OSBPL10: variants seen among roughly 807,000 people sequenced by gnomAD.
OSBPL10 encodes the protein oxysterol binding protein like 10.
In OSBPL10, 49 loss-of-function variants were observed where a neutral mutation model predicts 81.7. The ratio of observed to expected loss-of-function variants is 0.60; its 90% CI spans 0.48 to 0.76. The LOEUF (loss-of-function observed/expected upper bound fraction) is 0.76, where lower values mean the gene tolerates loss of function less well. OSBPL10 is among the 30% of genes least tolerant of loss of function. The pLI is 0.00. For missense variants in OSBPL10, 923 were observed against 987.8 expected, an observed-to-expected ratio of 0.93 and a Z score of 0.88; for synonymous variants, 419 against 383.6, an observed-to-expected ratio of 1.09 and a Z score of -1.08.
At chr3:31,740,157 C>T (rs1697297265) in intron 5 of OSBPL10, among the ~76,000 whole-genome samples, 1 of 151,716 alleles carries the variant, frequency 6.6e-6, no homozygotes, top group African/African-American at 2.4e-5. Flanking sequence ...GATTCTCCTG[C>T]CTCAGCCTCC....
intron 6 of OSBPL10, among the ~76,000 whole-genome samples, chr3:31,717,630 G>A (rs1696486201): frequency 6.6e-6 from 1 of 152,084 alleles, no homozygotes; most frequent in South Asian, 2.1e-4. Flanking sequence ...CCAAACAGCA[G>A]GCATTTTCTA....
intron 4 of OSBPL10, among the ~76,000 whole-genome samples, chr3:31,809,123 A>G (rs1699599631): frequency 6.6e-6 from 1 of 152,226 alleles, no homozygotes; most frequent in South Asian, 2.1e-4. Flanking sequence ...TTATTAAGAG[A>G]AATTTGATAA....
In OSBPL10 at chr3:31,948,215, G is replaced by A. The variant is rs79883182; in HGVS notation, c.281+32684C>T. On this transcript the variant is annotated intron_variant, in intron 1 of 11. Transcript: ENST00000396556. ...GCAGGGCACCAGCAACATCCACAAT[G>A]GACAGAGTCCATTCTAGAAGTCCAG... Among the ~76,000 whole-genome samples, 24 of 152,302 alleles carry A rather than the reference G, an allele frequency of 1.6e-4. No homozygotes were observed. The East Asian group carries it at 4.3e-3, about 27-fold the overall frequency.
At chr3:31,713,737 C>T (rs1255347926) in intron 6 of OSBPL10, 1 of 152,724 alleles carries the variant, frequency 6.5e-6, no homozygotes, top group African/African-American at 2.4e-5. Flanking sequence ...ACCACAGCAA[C>T]CTTTGACCGT....
intron 4 of OSBPL10, among the ~76,000 whole-genome samples, chr3:31,763,450 C>T (rs1698116728): frequency 6.6e-6 from 1 of 152,158 alleles, no homozygotes; most frequent in Non-Finnish European, 1.5e-5. Flanking sequence ...ACACACATAT[C>T]TCAAAGAACC....
At chr3:31,967,009 A>AT (rs921219017) in intron 1 of OSBPL10, among the ~76,000 whole-genome samples, 358 of 146,934 alleles carry the variant, frequency 2.4e-3, no homozygotes, top group Middle Eastern at 7.2e-3. Context: ...CTCTGAGGGG[A>AT]TTTTTTTTTT....
chr3:31,759,596 A>C (rs1559452441), intron 4 of OSBPL10, among the ~76,000 whole-genome samples: 1 of 152,170 alleles, frequency 6.6e-6, no homozygotes, highest in Non-Finnish European at 1.5e-5. Context: ...ACCCTTAAAC[A>C]ACTTGAGGGC....
At chr3:31,720,685 G>A (rs946786560) in intron 6 of OSBPL10, among the ~76,000 whole-genome samples, 6 of 151,942 alleles carry the variant, frequency 3.9e-5, no homozygotes, top group Non-Finnish European at 8.8e-5. Flanking sequence ...GACTGTCTGA[G>A]CTCAGGAGTT....
At chr3:31,856,060 T>C (rs1038733893) in intron 3 of OSBPL10, among the ~76,000 whole-genome samples, 4 of 140,672 alleles carry the variant, frequency 2.8e-5, no homozygotes, top group African/African-American at 1.1e-4. Context: ...TATACATTTA[T>C]GTTTATATTA....
At chr3:31,770,315 T>A (rs905925930) in intron 4 of OSBPL10, among the ~76,000 whole-genome samples, 9 of 152,138 alleles carry the variant, frequency 5.9e-5, no homozygotes, top group Admixed American at 2.6e-4. Context: ...TCATTCCCCA[T>A]CAACAATTTC....
intron 5 of OSBPL10, among the ~76,000 whole-genome samples, chr3:31,745,742 C>T (rs984800679): frequency 1.3e-5 from 2 of 152,172 alleles, no homozygotes; most frequent in Non-Finnish European, 2.9e-5. Context: ...TGGGCATAAT[C>T]ATACCTACTT....
At chr3:31,771,742 G>T (rs1248621884) in intron 4 of OSBPL10, among the ~76,000 whole-genome samples, 1 of 152,186 alleles carries the variant, frequency 6.6e-6, no homozygotes, top group East Asian at 1.9e-4. Context: ...ACACTTACAT[G>T]TCGACATATA....
chr3:31,726,310 ATTT>A (rs11338208), intron 6 of OSBPL10, among the ~76,000 whole-genome samples: 2 of 148,204 alleles, frequency 1.3e-5, no homozygotes, highest in South Asian at 4.3e-4. Flanking sequence ...TGTCTTTTTA[ATTT>A]TTTTTTTTTA....
chr3:32,066,025 G>GAAAGAA (rs1458321683), intron 1 of OSBPL10, among the ~76,000 whole-genome samples: 4 of 62,640 alleles, frequency 6.4e-5, no homozygotes, highest in African/African-American at 1.1e-4. Context: ...AAGAAAGAAA[G>GAAAGAA]AGAGAGAGAG....
At chr3:31,899,193 C>T (rs1475551489) in intron 1 of OSBPL10, among the ~76,000 whole-genome samples, 1 of 152,070 alleles carries the variant, frequency 6.6e-6, no homozygotes. Context: ...CCGCCCATCT[C>T]GGCCTCCCAA....
intron 1 of OSBPL10, among the ~76,000 whole-genome samples, chr3:32,052,591 G>C (rs1342186037): frequency 6.6e-6 from 1 of 152,160 alleles, no homozygotes. Context: ...AAAAAAATGT[G>C]CTACATATAT....
intron 5 of OSBPL10, among the ~76,000 whole-genome samples, chr3:31,741,342 G>A (rs999678063): frequency 3.9e-5 from 6 of 152,216 alleles, no homozygotes; most frequent in African/African-American, 1.2e-4. Context: ...TCGGCTCACT[G>A]CAACCTCCGC....
intron 2 of OSBPL10, among the ~76,000 whole-genome samples, chr3:32,008,575 A>G (rs1239536852): frequency 5.3e-5 from 8 of 151,518 alleles, no homozygotes; most frequent in Admixed American, 5.2e-4. Context: ...TACAAAAAAA[A>G]AAAGACAAAA....
chr3:31,712,601 A>G (rs533819176), intron 6 of OSBPL10, among the ~76,000 whole-genome samples: 116 of 152,386 alleles, frequency 7.6e-4, no homozygotes, highest in African/African-American at 2.6e-3. Flanking sequence ...GGAAAAGCCA[A>G]GGAAACAAAT....
Sources: allele counts gnomAD v4.1 joint callset (sites outside exome capture counted in the v4.1 genomes callset), GRCh38; gene constraint gnomAD v4.1.1; transcripts MANE v1.5; gene names NCBI Gene and HGNC (gene_info 2026-07-23, HGNC 2026-07-21).